KCNK1: variants seen among roughly 807,000 people sequenced by gnomAD.
The protein encoded by KCNK1 is potassium two pore domain channel subfamily K member 1.
In KCNK1, 10 loss-of-function variants were observed where a neutral mutation model predicts 22.2. The ratio of observed to expected loss-of-function variants is 0.45; its 90% CI spans 0.28 to 0.76. KCNK1 has a LOEUF of 0.76. KCNK1 is among the 30% of genes least tolerant of loss of function. KCNK1 has a pLI of 0.14. For synonymous variants in KCNK1, 200 were observed against 186.4 expected (o/e 1.07, Z -0.60); for missense variants, 378 against 421.0 (o/e 0.90, Z 0.89).
At chr1:233,651,182 G>A (rs938865722) in intron 1 of KCNK1, among the ~76,000 whole-genome samples, 3 of 152,074 alleles carry the variant, frequency 2.0e-5, no homozygotes, top group African/African-American at 7.2e-5. Flanking sequence ...TCTTCCATTG[G>A]GTAAAGTGTG....
At chr1:233,638,903 T>G (rs701195) in intron 1 of KCNK1, among the ~76,000 whole-genome samples, 20 of 152,356 alleles carry the variant, frequency 1.3e-4, no homozygotes, top group Non-Finnish European at 2.4e-4. Context: ...GAAGTGGCAG[T>G]TACATGTTTC....
chr1:233,661,222 G>A (rs1035665840), intron 1 of KCNK1, among the ~76,000 whole-genome samples: 9 of 152,162 alleles, frequency 5.9e-5, no homozygotes, highest in Middle Eastern at 3.4e-3. Context: ...CTTTCACTGC[G>A]CTGCCATTTT....
At chr1:233,654,765 A>G (rs1558117407) in intron 1 of KCNK1, among the ~76,000 whole-genome samples, 1 of 152,156 alleles carries the variant, frequency 6.6e-6, no homozygotes, top group Non-Finnish European at 1.5e-5. Context: ...GAATAAATAA[A>G]TAAATGAGAA....
At chr1:233,633,368 A>T (rs1219599758) in intron 1 of KCNK1, among the ~76,000 whole-genome samples, 1 of 152,118 alleles carries the variant, frequency 6.6e-6, no homozygotes, top group Non-Finnish European at 1.5e-5. Context: ...CATGTAGGTT[A>T]TCATGTTAAA....
At chr1:233,631,063 A>G (rs1452142087) in intron 1 of KCNK1, among the ~76,000 whole-genome samples, 1 of 152,220 alleles carries the variant, frequency 6.6e-6, no homozygotes, top group East Asian at 1.9e-4. Context: ...AGTAGGTTGA[A>G]TATGAGCCCT....
intron 1 of KCNK1, among the ~76,000 whole-genome samples, chr1:233,624,867 G>A (rs1439859150): frequency 2.6e-5 from 4 of 152,090 alleles, no homozygotes; most frequent in Admixed American, 2.0e-4. Context: ...GCTACTCCAG[G>A]CACTTAGGGA....
intron 1 of KCNK1, chr1:233,655,753 C>A (rs1658280683): frequency 6.5e-6 from 1 of 153,074 alleles, no homozygotes; most frequent in South Asian, 1.8e-4. Flanking sequence ...CCTCACCAGA[C>A]ACTGAATCTG....
At chr1:233,638,884 G>A (rs1657957495) in intron 1 of KCNK1, among the ~76,000 whole-genome samples, 1 of 152,246 alleles carries the variant, frequency 6.6e-6, no homozygotes, top group African/African-American at 2.4e-5. Flanking sequence ...GGGGTAGTGT[G>A]TATGTCTGGA....
intron 1 of KCNK1, among the ~76,000 whole-genome samples, chr1:233,661,591 G>C (rs1391332114): frequency 1.3e-5 from 2 of 152,290 alleles, no homozygotes; most frequent in African/African-American, 2.4e-5. Context: ...TGTATTGACT[G>C]TAGCCCACTT....
At chr1:233,667,203 G>A (rs1423054582) in intron 2 of KCNK1, among the ~76,000 whole-genome samples, 1 of 152,000 alleles carries the variant, frequency 6.6e-6, no homozygotes, top group Non-Finnish European at 1.5e-5. Flanking sequence ...TCTCTATTTT[G>A]CCATTGCAAG....
intron 1 of KCNK1, among the ~76,000 whole-genome samples, chr1:233,642,992 G>C (rs1658028242): frequency 6.7e-6 from 1 of 149,220 alleles, no homozygotes; most frequent in Admixed American, 6.7e-5. Flanking sequence ...GTGGTGGCCA[G>C]GCTGGTCTCG....
In KCNK1 at chr1:233,657,429, C is replaced by T. The variant is rs192614344; in HGVS notation, c.356-9166C>T. Among the ~76,000 whole-genome samples the T allele has an allele frequency of 1.1e-4, 17 of 152,248 alleles. No individual in the cohort carries two copies. In the East Asian group the frequency reaches 3.3e-3, roughly 29 times the overall value. ...GTAGTGGGTCATGTTCCTGTGCTAC[C>T]ATGATCTGCCCGCAGTAACCTAGCA... On this transcript the variant is annotated intron_variant, in intron 1 of 2. Transcript: ENST00000366621.
At chr1:233,632,659 G>A (rs998888551) in intron 1 of KCNK1, among the ~76,000 whole-genome samples, 1 of 152,126 alleles carries the variant, frequency 6.6e-6, no homozygotes, top group African/African-American at 2.4e-5. Context: ...CACACTGGAT[G>A]TGACTTTTTT....
At chr1:233,620,819 GATAA>G (rs3067827) in intron 1 of KCNK1, among the ~76,000 whole-genome samples, 19,451 of 151,980 alleles carry the variant, frequency 0.13, 1,469 homozygotes, top group African/African-American at 0.2. Context: ...GTTATAAAAA[GATAA>G]ATAGTTAAAA....
intron 1 of KCNK1, among the ~76,000 whole-genome samples, chr1:233,636,180 G>A (rs1657892920): frequency 1.3e-5 from 2 of 152,168 alleles, no homozygotes; most frequent in South Asian, 2.1e-4. Context: ...AGGATGTTAG[G>A]TTTTGTTGTA....
chr1:233,626,576 T>C (rs957387953), intron 1 of KCNK1, among the ~76,000 whole-genome samples: 2 of 152,138 alleles, frequency 1.3e-5, no homozygotes, highest in Non-Finnish European at 2.9e-5. Flanking sequence ...GGGGGTGATA[T>C]CTGATTTTGA....
intron 1 of KCNK1, among the ~76,000 whole-genome samples, chr1:233,662,651 G>A (rs1487983540): frequency 6.6e-6 from 1 of 152,164 alleles, no homozygotes; most frequent in Non-Finnish European, 1.5e-5. Context: ...AATTTAGTAG[G>A]GGACTGTCAT....
rs550549688 is a variant in KCNK1 at position 233,654,239 on chromosome 1, C to T, written c.356-12356C>T. Among the ~76,000 whole-genome samples, 19 of 152,218 alleles carry T rather than the reference C, an allele frequency of 1.2e-4. No individual in the cohort carries two copies. The South Asian group carries it at 3.7e-3, about 30-fold the overall frequency. On this transcript the variant is annotated intron_variant, in intron 1 of 2. Coordinates refer to ENST00000366621, the MANE Select transcript of KCNK1 (RefSeq NM_002245.4). ...GAAGGGAGAGCATCAGGACAAATAC[C>T]TAATGCATGCAGGGCTTAAAACTTA...
intron 1 of KCNK1, among the ~76,000 whole-genome samples, chr1:233,621,240 A>G (rs1657581321): frequency 2.0e-5 from 3 of 152,226 alleles, no homozygotes; most frequent in Admixed American, 6.5e-5. Context: ...GAAGGTGGCC[A>G]TCTGCAAGCC....
Sources: allele counts gnomAD v4.1 joint callset (sites outside exome capture counted in the v4.1 genomes callset), GRCh38; gene constraint gnomAD v4.1.1; transcripts MANE v1.5; gene names NCBI Gene and HGNC (gene_info 2026-07-23, HGNC 2026-07-21).